Variants in IQCM observed in about 807,000 individuals in gnomAD.
IQCM encodes the protein IQ domain-containing protein M.
Under a neutral mutation model 57.6 loss-of-function variants are expected in IQCM, and 45 were observed. That is an observed-to-expected ratio of 0.78 (90% CI 0.62 to 1.00). The LOEUF (loss-of-function observed/expected upper bound fraction) is 1.00, where lower values mean the gene tolerates loss of function less well. Ranked by LOEUF, IQCM falls within the 50% of genes least tolerant of loss-of-function variation. The pLI is 0.00. For missense variants in IQCM, 468 were observed against 511.6 expected, an observed-to-expected ratio of 0.91 and a Z score of 0.82; for synonymous variants, 148 against 158.9, an observed-to-expected ratio of 0.93 and a Z score of 0.51.
Position 149,662,850 on chromosome 4 carries a change from T to A in IQCM, c.565+19268A>T, listed in dbSNP as rs780932893. On this transcript the variant is annotated intron_variant, in intron 7 of 13. Coordinates refer to ENST00000636793, the MANE Select transcript of IQCM (RefSeq NM_001363507.2). ...CATACAGTTGGGTCTTGTTTTTATG[T>A]CCATTCACTCACTCTGTATCTTTTA... Among the ~76,000 whole-genome samples the A allele has an allele frequency of 3.6e-4, 55 of 152,156 alleles. No individual in the cohort carries two copies. In the Middle Eastern group the frequency reaches 0.014, roughly 38 times the overall value.
chr4:149,534,519 A>C (rs1000028937), intron 12 of IQCM, among the ~76,000 whole-genome samples: 7 of 152,118 alleles, frequency 4.6e-5, no homozygotes, highest in African/African-American at 1.7e-4. Context: ...CCACTGAACA[A>C]CATCAGCCAA....
At chr4:149,438,469 A>G (rs776426137) in intron 12 of IQCM, among the ~76,000 whole-genome samples, 10 of 152,084 alleles carry the variant, frequency 6.6e-5, no homozygotes, top group Non-Finnish European at 8.8e-5. Context: ...TCTATAACCC[A>G]GCATAAATGA....
intron 7 of IQCM, among the ~76,000 whole-genome samples, chr4:149,658,736 T>C (rs551610006): frequency 6.6e-6 from 1 of 152,242 alleles, no homozygotes; most frequent in Non-Finnish European, 1.5e-5. Flanking sequence ...AATTTTTTTA[T>C]AGCTATCATG....
At chr4:149,742,877 C>T (rs1400124457) in intron 2 of IQCM, 138 bp from the exon 3 acceptor site, 7 of 394,892 alleles carry the variant, frequency 1.8e-5, no homozygotes, top group African/African-American at 1.0e-4. Flanking sequence ...ACCTTCAATG[C>T]CTTCCCCTCC....
At chr4:149,654,380 G>T (rs909947017) in intron 7 of IQCM, among the ~76,000 whole-genome samples, 1 of 152,010 alleles carries the variant, frequency 6.6e-6, no homozygotes, top group Non-Finnish European at 1.5e-5. Flanking sequence ...ATAGTGAGTG[G>T]GTTCTTGGTA....
At chr4:149,404,129 G>T (rs1171243245) in intron 13 of IQCM, among the ~76,000 whole-genome samples, 1 of 151,902 alleles carries the variant, frequency 6.6e-6, no homozygotes, top group East Asian at 1.9e-4. Flanking sequence ...TCACCTCTTG[G>T]GAGCACTAAA....
chr4:149,676,672 T>C (rs1306396725), intron 7 of IQCM, among the ~76,000 whole-genome samples: 2 of 152,070 alleles, frequency 1.3e-5, no homozygotes, highest in African/African-American at 2.4e-5. Flanking sequence ...TATTAATCAC[T>C]ATACCATACT....
chr4:149,367,807 A>G (rs1014070251), intron 13 of IQCM, among the ~76,000 whole-genome samples: 4 of 152,076 alleles, frequency 2.6e-5, no homozygotes, highest in Non-Finnish European at 5.9e-5. Context: ...TCAGCCAGCA[A>G]AAGAAGTTAT....
chr4:149,497,019 GGAAA>G (rs1401318521), intron 12 of IQCM, among the ~76,000 whole-genome samples: 3 of 152,220 alleles, frequency 2.0e-5, no homozygotes, highest in Non-Finnish European at 4.4e-5. Flanking sequence ...GTTGCAGGTG[GGAAA>G]GAAAGTTCAG....
chr4:149,575,325 G>A (rs914730473), intron 9 of IQCM, among the ~76,000 whole-genome samples: 9 of 151,790 alleles, frequency 5.9e-5, no homozygotes, highest in African/African-American at 1.7e-4. Context: ...ATACATGCTC[G>A]TGAAATTCAT....
chr4:149,622,315 C>G (rs2150075464), intron 7 of IQCM, among the ~76,000 whole-genome samples: 1 of 151,820 alleles, frequency 6.6e-6, no homozygotes, highest in African/African-American at 2.4e-5. Context: ...ATATTTCAAT[C>G]ACAATCCAAT....
At chr4:149,634,792 T>G (rs1485035319) in intron 7 of IQCM, among the ~76,000 whole-genome samples, 1 of 152,240 alleles carries the variant, frequency 6.6e-6, no homozygotes, top group Non-Finnish European at 1.5e-5. Flanking sequence ...TTTTAGGTGA[T>G]GTATTTTGAT....
At chr4:149,600,702 A>T (rs1754195579) in intron 8 of IQCM, among the ~76,000 whole-genome samples, 1 of 152,090 alleles carries the variant, frequency 6.6e-6, no homozygotes, top group Non-Finnish European at 1.5e-5. Context: ...TGTTTGGAGG[A>T]CTCTGATGGA....
intron 12 of IQCM, among the ~76,000 whole-genome samples, chr4:149,451,637 A>G (rs1427856039): frequency 6.6e-6 from 1 of 151,804 alleles, no homozygotes; most frequent in Admixed American, 6.6e-5. Flanking sequence ...TCATCATGTT[A>G]TTTAACCACA....
chr4:149,621,721 T>C (rs1473348623), intron 7 of IQCM, among the ~76,000 whole-genome samples: 2 of 152,138 alleles, frequency 1.3e-5, no homozygotes, highest in Non-Finnish European at 2.9e-5. Context: ...GGTAAATAGG[T>C]CGAAAGCACA....
At chr4:149,444,729 T>C (rs1224556124) in intron 12 of IQCM, among the ~76,000 whole-genome samples, 7 of 151,366 alleles carry the variant, frequency 4.6e-5, no homozygotes, top group Non-Finnish European at 8.9e-5. Flanking sequence ...TCGAAGGAAA[T>C]AATGAACAGG....
intron 13 of IQCM, among the ~76,000 whole-genome samples, chr4:149,428,441 G>C (rs563625479): frequency 9.2e-5 from 14 of 151,912 alleles, no homozygotes; most frequent in Middle Eastern, 3.4e-3. Context: ...AGTGCCAAAA[G>C]GGATCAAGGA....
chr4:149,593,950 A>G (rs1753489467), intron 8 of IQCM, among the ~76,000 whole-genome samples: 1 of 152,172 alleles, frequency 6.6e-6, no homozygotes, highest in Non-Finnish European at 1.5e-5. Flanking sequence ...AGGCTTTGGT[A>G]TCAGGATGAT....
Position 149,766,277 on chromosome 4 carries a change from G to A in IQCM, c.-48-23538C>T, listed in dbSNP as rs1405630386. ...TTGGCAGCCATAGTAGGATGAAGGG[G>A]CAGTCACATACTCTGTGTTCTTGGA... On this transcript the variant is annotated intron_variant, in intron 2 of 13. Coordinates refer to ENST00000636793, the MANE Select transcript of IQCM (RefSeq NM_001363507.2). 6.6e-5 allele frequency among the ~76,000 whole-genome samples: 10 copies of A among 152,064 alleles called. No individual in the cohort carries two copies. The East Asian group carries it at 1.9e-3, about 29-fold the overall frequency.
Sources: allele counts gnomAD v4.1 joint callset (sites outside exome capture counted in the v4.1 genomes callset), GRCh38; gene constraint gnomAD v4.1.1; transcripts MANE v1.5; gene names NCBI Gene and HGNC (gene_info 2026-07-23, HGNC 2026-07-21).